SLC2A1: variants seen among roughly 807,000 people sequenced by gnomAD.
SLC2A1 encodes solute carrier family 2 member 1, also known as solute carrier family 2, facilitated glucose transporter member 1.
In SLC2A1, 4 loss-of-function variants were observed where a neutral mutation model predicts 46.6. The observed-to-expected ratio is 0.09, with a 90% confidence interval of 0.04 to 0.20. The LOEUF (loss-of-function observed/expected upper bound fraction) is 0.20, where lower values mean the gene tolerates loss of function less well. SLC2A1 is among the 10% of genes least tolerant of loss of function. The probability of loss-of-function intolerance (pLI) is 1.00; values close to 1 mark genes in which losing one functional copy is unlikely to be tolerated. For missense variants in SLC2A1, 352 were observed against 667.0 expected, an observed-to-expected ratio of 0.53 and a Z score of 5.20; for synonymous variants, 253 against 270.0, an observed-to-expected ratio of 0.94 and a Z score of 0.62.
Position 42,926,715 on chromosome 1 carries a change from C to A in SLC2A1, c.*326G>T. 7.3e-7 allele frequency: 1 copy of A among 1,365,346 alleles called. No homozygotes were observed. Among genetic ancestry groups the A allele is most frequent in the Non-Finnish European group, 9.6e-7 (1 of 1,039,104 alleles). 84.6% of individuals were successfully genotyped at this position (1,365,346 alleles called of 1,614,324 possible). ...TGTCTCGACAGGGCTTAGTCTCCAC[C>A]CTCAGGCATGGAACCATTCAGGGTG... On this transcript the variant is annotated 3_prime_UTR_variant, in exon 10 of 10. Coordinates refer to ENST00000426263, the MANE Select transcript of SLC2A1 (RefSeq NM_006516.4).
intron 1 of SLC2A1, among the ~76,000 whole-genome samples, chr1:42,953,929 C>T (rs1462507504): frequency 6.6e-6 from 1 of 152,198 alleles, no homozygotes; most frequent in Non-Finnish European, 1.5e-5. Context: ...ATAGCCACTT[C>T]TCTAATTTAG....
At chr1:42,956,157 A>G (rs1380901251) in intron 1 of SLC2A1, among the ~76,000 whole-genome samples, 1 of 152,198 alleles carries the variant, frequency 6.6e-6, no homozygotes, top group Non-Finnish European at 1.5e-5. Context: ...TTTGGAGGGG[A>G]AAATGACTAT....
intron 1 of SLC2A1, among the ~76,000 whole-genome samples, 168 bp from the exon 2 acceptor site, chr1:42,943,489 C>G (rs189056097): frequency 2.0e-5 from 3 of 152,314 alleles, no homozygotes; most frequent in Non-Finnish European, 4.4e-5. Context: ...GGTGCCCAAA[C>G]CAGCCTAGCT....
chr1:42,931,262 C>G, intron 2 of SLC2A1, 56 bp from the exon 3 acceptor site: 1 of 1,572,298 alleles, frequency 6.4e-7, no homozygotes, highest in Non-Finnish European at 8.7e-7. Flanking sequence ...CCCAGTCTTC[C>G]TTTTCCTTTC....
At chr1:42,958,346 C>T (rs776462016) in intron 1 of SLC2A1, among the ~76,000 whole-genome samples, 6 of 151,036 alleles carry the variant, frequency 4.0e-5, no homozygotes, top group Non-Finnish European at 8.9e-5. Context: ...CCAGCAGGGC[C>T]GCGTGGACGG....
At chr1:42,931,542 A>G (rs1643490134) in intron 2 of SLC2A1, among the ~76,000 whole-genome samples, 1 of 152,092 alleles carries the variant, frequency 6.6e-6, no homozygotes, top group Non-Finnish European at 1.5e-5. Context: ...AGAGAGGTAC[A>G]AGACCAGGTG....
chr1:42,945,706 C>T (rs2124464467), intron 1 of SLC2A1, among the ~76,000 whole-genome samples: 1 of 149,468 alleles, frequency 6.7e-6, no homozygotes, highest in South Asian at 2.1e-4. Flanking sequence ...CGCCACTGCA[C>T]TCCAGCCTGG....
rs191637824 is a variant in SLC2A1 at position 42,958,331 on chromosome 1, C to G, written c.18+303G>C. ...GTGCCGCTCCCGGGCCCTGTGTCCC[C>G]AGCCCCAGCAGGGCCGCGTGGACGG... On this transcript the variant is annotated intron_variant, in intron 1 of 9. Coordinates refer to ENST00000426263, the MANE Select transcript of SLC2A1 (RefSeq NM_006516.4). Among the ~76,000 whole-genome samples, 4,231 of 151,228 alleles carry G rather than the reference C, an allele frequency of 0.028. 162 individuals are homozygous for G. Among genetic ancestry groups the G allele is most frequent in the African/African-American group, 0.089 (3,698 of 41,424 alleles).
chr1:42,938,785 A>G (rs1239354490), intron 2 of SLC2A1, among the ~76,000 whole-genome samples: 1 of 152,166 alleles, frequency 6.6e-6, no homozygotes, highest in African/African-American at 2.4e-5. Flanking sequence ...GAGGTCAACT[A>G]ACCCTTCAAG....
chr1:42,956,787 C>T (rs1469252112), intron 1 of SLC2A1, among the ~76,000 whole-genome samples: 1 of 152,014 alleles, frequency 6.6e-6, no homozygotes, highest in Admixed American at 6.5e-5. Flanking sequence ...CCCTTCTGCC[C>T]AAAATTCAAG....
At chr1:42,949,316 G>GT (rs1182698708) in intron 1 of SLC2A1, among the ~76,000 whole-genome samples, 25 of 152,300 alleles carry the variant, frequency 1.6e-4, no homozygotes, top group African/African-American at 6.0e-4. Context: ...GCAGACTGCT[G>GT]TAACATCGGC....
At chr1:42,949,242 T>C (rs1037745170) in intron 1 of SLC2A1, among the ~76,000 whole-genome samples, 2 of 151,832 alleles carry the variant, frequency 1.3e-5, no homozygotes, top group African/African-American at 4.8e-5. Flanking sequence ...AGTGAGACAC[T>C]CTCAAAAGAA....
At chr1:42,937,639 T>C (rs1412428316) in intron 2 of SLC2A1, among the ~76,000 whole-genome samples, 1 of 152,236 alleles carries the variant, frequency 6.6e-6, no homozygotes, top group African/African-American at 2.4e-5. Context: ...CAGTTTCTTA[T>C]AGAGCAGGGA....
chr1:42,949,815 A>C (rs543689763), intron 1 of SLC2A1, among the ~76,000 whole-genome samples: 32 of 152,118 alleles, frequency 2.1e-4, no homozygotes, highest in African/African-American at 7.5e-4. Flanking sequence ...GCGCAGAACC[A>C]GGGGACTCTA....
intron 1 of SLC2A1, among the ~76,000 whole-genome samples, chr1:42,953,471 T>G (rs890548549): frequency 6.6e-6 from 1 of 152,198 alleles, no homozygotes; most frequent in Non-Finnish European, 1.5e-5. Flanking sequence ...TCTGAGCCCA[T>G]GAATCTGGTC....
At chr1:42,951,632 T>C in intron 1 of SLC2A1, 2 of 391,108 alleles carry the variant, frequency 5.1e-6, no homozygotes, top group Middle Eastern at 6.4e-4. Flanking sequence ...CTTTCATTTA[T>C]TATGCTTCTC....
chr1:42,958,431 G>C (rs989298424), intron 1 of SLC2A1, among the ~76,000 whole-genome samples: 2 of 150,576 alleles, frequency 1.3e-5, no homozygotes, highest in African/African-American at 4.8e-5. Flanking sequence ...CGGCCCGCTA[G>C]ATCCGAAGCC....
rs550422028 is a variant in SLC2A1, at chr1:42,938,554, C to T, written c.114+4672G>A. On this transcript the variant is annotated intron_variant, in intron 2 of 9. Coordinates refer to ENST00000426263, the MANE Select transcript of SLC2A1 (RefSeq NM_006516.4). The stretch of plus-strand genomic sequence containing the variant: ...CTGTTTTATGGAAGAGAACAAGCTT[C>T]TGGCATCCTCACCACTTGTGGGGCA... 2.5e-4 allele frequency among the ~76,000 whole-genome samples: 38 copies of T among 152,340 alleles called. No individual in the cohort carries two copies. In the South Asian group the frequency reaches 6.8e-3, roughly 27 times the overall value.
chr1:42,935,427 A>T (rs1643532537), intron 2 of SLC2A1, among the ~76,000 whole-genome samples: 1 of 152,176 alleles, frequency 6.6e-6, no homozygotes, highest in Admixed American at 6.5e-5. Context: ...TCTGCCAAGG[A>T]ACTTCTCACT....
Sources: allele counts gnomAD v4.1 joint callset (sites outside exome capture counted in the v4.1 genomes callset), GRCh38; gene constraint gnomAD v4.1.1; transcripts MANE v1.5; gene names NCBI Gene and HGNC (gene_info 2026-07-23, HGNC 2026-07-21).